GABRB2: variants seen among roughly 807,000 people sequenced by gnomAD.
The protein encoded by GABRB2 is gamma-aminobutyric acid type A receptor subunit beta2.
A neutral mutation model predicts 54.7 loss-of-function variants in GABRB2; 16 were observed. That is an observed-to-expected ratio of 0.29 (90% confidence interval 0.20 to 0.44). GABRB2 has a LOEUF of 0.44. Among genes scored for constraint, GABRB2 ranks in the 20% least tolerant of loss-of-function variants. The pLI, the probability that GABRB2 is intolerant of heterozygous loss-of-function variation, is 1.00. For missense variants in GABRB2, 355 were observed against 644.0 expected, an observed-to-expected ratio of 0.55 and a Z score of 4.86; for synonymous variants, 244 against 233.8, an observed-to-expected ratio of 1.04 and a Z score of -0.40.
At chr5:161,501,345 G>T (rs1759435506) in intron 3 of GABRB2, among the ~76,000 whole-genome samples, 2 of 151,898 alleles carry the variant, frequency 1.3e-5, no homozygotes. Context: ...AAAATAATTT[G>T]CCTTTAGCAA....
intron 3 of GABRB2, among the ~76,000 whole-genome samples, chr5:161,510,253 C>T (rs932096895): frequency 4.0e-5 from 6 of 151,858 alleles, no homozygotes; most frequent in Admixed American, 6.6e-5. Flanking sequence ...CAGCTCCCCC[C>T]CAACCTCCCC....
chr5:161,491,405 G>A (rs545114436), intron 3 of GABRB2, among the ~76,000 whole-genome samples: 2 of 151,554 alleles, frequency 1.3e-5, no homozygotes, highest in African/African-American at 4.8e-5. Flanking sequence ...TCATGTTCTC[G>A]ATTTAAAACT....
At chr5:161,298,153 G>A (rs546259062) in intron 9 of GABRB2, among the ~76,000 whole-genome samples, 2 of 152,172 alleles carry the variant, frequency 1.3e-5, no homozygotes, top group South Asian at 2.1e-4. Context: ...ATTTGTTTAA[G>A]TTCCTTATAG....
At chr5:161,445,575 CT>C (rs1482586395) in intron 4 of GABRB2, among the ~76,000 whole-genome samples, 1 of 152,054 alleles carries the variant, frequency 6.6e-6, no homozygotes, top group Non-Finnish European at 1.5e-5. Flanking sequence ...AGAAGAGACT[CT>C]TTAAGTCTGA....
At chr5:161,394,572 A>G (rs1484674482) in intron 5 of GABRB2, among the ~76,000 whole-genome samples, 1 of 152,108 alleles carries the variant, frequency 6.6e-6, no homozygotes, top group Non-Finnish European at 1.5e-5. Context: ...GAATAACTTT[A>G]TGCCAAATTT....
chr5:161,319,742 G>A (rs1285543624), intron 9 of GABRB2, among the ~76,000 whole-genome samples: 1 of 151,654 alleles, frequency 6.6e-6, no homozygotes, highest in Non-Finnish European at 1.5e-5. Context: ...AATACCACTA[G>A]AGGTATTTGA....
rs1272467919 is a variant in GABRB2 at position 161,459,633 on chromosome 5, T to C, written c.449A>G (p.Tyr150Cys). The C allele has an allele frequency of 6.2e-7, 1 of 1,613,956 alleles. No individual in the cohort carries two copies. Among genetic ancestry groups the C allele is most frequent in the African/African-American group, 1.3e-5 (1 of 75,052 alleles). The change falls in exon 4 of 10, where the codon TAT becomes TGT. Residue 150 changes from tyrosine to cysteine, a missense_variant. Physicochemically the swap from Tyr to Cys is radical, Grantham distance 194. Coordinates refer to ENST00000393959, the MANE Select transcript of GABRB2 (RefSeq NM_001371727.1). ...ATTGGGGACAACAGACCTGAGTCCATAAAGGACGGTGCCATCAGGATGCAG... is the reference window on the plus strand; with the variant it reads ...ATTGGGGACAACAGACCTGAGTCCACAAAGGACGGTGCCATCAGGATGCAG... ...IRLHPDGTVL[Y>C]GLRITTTAAC...
chr5:161,505,774 T>C (rs992988972), intron 3 of GABRB2, among the ~76,000 whole-genome samples: 4 of 152,104 alleles, frequency 2.6e-5, no homozygotes, highest in Admixed American at 2.6e-4. Flanking sequence ...CTGCAGCAAT[T>C]ATAAATAGGA....
At chr5:161,358,543 A>G (rs1754710178) in intron 5 of GABRB2, among the ~76,000 whole-genome samples, 1 of 152,188 alleles carries the variant, frequency 6.6e-6, no homozygotes, top group Non-Finnish European at 1.5e-5. Flanking sequence ...TAAAAAAACG[A>G]TGGTGTGGAA....
Position 161,363,812 on chromosome 5 carries a change from T to G in GABRB2, c.542-27043A>C, listed in dbSNP as rs369592313. On this transcript the variant is annotated intron_variant, in intron 5 of 9. Coordinates refer to ENST00000393959, the MANE Select transcript of GABRB2 (RefSeq NM_001371727.1). ...TGGATAGAACATTAGGAACAGTTAG[T>G]TTCCTGGAAACATAAATAGCTGGTG... Among the ~76,000 whole-genome samples, 14 of 152,350 alleles carry G rather than the reference T, an allele frequency of 9.2e-5. No homozygotes were observed. The East Asian group carries it at 2.7e-3, about 29-fold the overall frequency.
intron 5 of GABRB2, among the ~76,000 whole-genome samples, chr5:161,360,963 T>A (rs1477320595): frequency 6.6e-6 from 1 of 151,082 alleles, no homozygotes; most frequent in Non-Finnish European, 1.5e-5. Flanking sequence ...CAAACTATGA[T>A]TGCACCACTG....
chr5:161,438,152 A>G (rs1221564565), intron 4 of GABRB2, among the ~76,000 whole-genome samples: 1 of 152,202 alleles, frequency 6.6e-6, no homozygotes, highest in African/African-American at 2.4e-5. Flanking sequence ...TGGTGGCAAC[A>G]GGGGTGCTTG....
At chr5:161,516,256 G>T (rs57227853) in intron 3 of GABRB2, among the ~76,000 whole-genome samples, 2,656 of 152,066 alleles carry the variant, frequency 0.017, 87 homozygotes, top group African/African-American at 0.061. Flanking sequence ...AATATCAATT[G>T]GTTGTGTAGT....
chr5:161,322,403 T>G (rs952840765), intron 9 of GABRB2, among the ~76,000 whole-genome samples: 1 of 152,062 alleles, frequency 6.6e-6, no homozygotes, highest in African/African-American at 2.4e-5. Context: ...ACCCAGATAA[T>G]TTTTGTACTT....
At chr5:161,467,670 TGGA>T (rs1440700928) in intron 3 of GABRB2, among the ~76,000 whole-genome samples, 2 of 152,090 alleles carry the variant, frequency 1.3e-5, no homozygotes, top group Non-Finnish European at 2.9e-5. Flanking sequence ...TTCCAAAGAT[TGGA>T]ATACCAAACT....
intron 3 of GABRB2, among the ~76,000 whole-genome samples, chr5:161,480,647 T>C (rs1758735223): frequency 6.6e-6 from 1 of 152,060 alleles, no homozygotes; most frequent in Non-Finnish European, 1.5e-5. Flanking sequence ...ATATTAGCAT[T>C]CCTTTACTAC....
At chr5:161,376,281 C>T (rs1755293602) in intron 5 of GABRB2, among the ~76,000 whole-genome samples, 2 of 152,044 alleles carry the variant, frequency 1.3e-5, no homozygotes, top group South Asian at 4.1e-4. Context: ...ACTAATTAAA[C>T]TTAGTTTATG....
intron 6 of GABRB2, among the ~76,000 whole-genome samples, chr5:161,335,451 CA>C (rs1445986838): frequency 6.6e-6 from 1 of 151,990 alleles, no homozygotes; most frequent in East Asian, 1.9e-4. Flanking sequence ...CCTTATCAAC[CA>C]AAAGGTGGAG....
At chr5:161,435,980 A>G (rs1372170447) in intron 4 of GABRB2, among the ~76,000 whole-genome samples, 4 of 152,196 alleles carry the variant, frequency 2.6e-5, no homozygotes, top group Non-Finnish European at 5.9e-5. Context: ...TTTGTCAATT[A>G]TAATATTATG....
Sources: allele counts gnomAD v4.1 joint callset (sites outside exome capture counted in the v4.1 genomes callset), GRCh38; gene constraint gnomAD v4.1.1; transcripts MANE v1.5; gene names NCBI Gene and HGNC (gene_info 2026-07-23, HGNC 2026-07-21).